Variants in PRKG1 observed in about 807,000 individuals in gnomAD.
PRKG1 encodes the protein protein kinase cGMP-dependent 1, also known as cGMP-dependent protein kinase 1.
PRKG1 carries 35 observed loss-of-function variants against 88.1 expected under a neutral mutation model. The observed-to-expected ratio is 0.40, with a 90% confidence interval of 0.30 to 0.53. PRKG1 has a LOEUF of 0.53. Ranked by LOEUF, PRKG1 falls within the 20% of genes least tolerant of loss-of-function variation. The pLI is 0.59. For synonymous variants in PRKG1, 303 were observed against 292.5 expected, an observed-to-expected ratio of 1.04 and a Z score of -0.37; for missense variants, 540 against 839.8, an observed-to-expected ratio of 0.64 and a Z score of 4.41.
chr10:52,136,420 C>A (rs553102058), intron 8 of PRKG1, among the ~76,000 whole-genome samples: 18 of 152,024 alleles, frequency 1.2e-4, no homozygotes, highest in African/African-American at 4.3e-4. Context: ...GTTAATCTTG[C>A]CTCTTTTAAA....
chr10:51,300,476 G>A (rs981175387), intron 2 of PRKG1, among the ~76,000 whole-genome samples: 3 of 152,082 alleles, frequency 2.0e-5, no homozygotes, highest in Admixed American at 6.5e-5. Flanking sequence ...CTCTTTGCTG[G>A]GATGCTGAGT....
chr10:51,845,816 A>G (rs1468925437), intron 4 of PRKG1, among the ~76,000 whole-genome samples: 1 of 152,130 alleles, frequency 6.6e-6, no homozygotes, highest in African/African-American at 2.4e-5. Context: ...TACCTTCAAT[A>G]TACATAATAC....
At chr10:51,931,218 A>G (rs1333545424) in intron 5 of PRKG1, among the ~76,000 whole-genome samples, 1 of 152,232 alleles carries the variant, frequency 6.6e-6, no homozygotes, top group African/African-American at 2.4e-5. Context: ...ACCTATTATT[A>G]GACCATCTTT....
chr10:51,091,811 A>G (rs954388569), intron 1 of PRKG1, among the ~76,000 whole-genome samples: 1 of 152,162 alleles, frequency 6.6e-6, no homozygotes. Flanking sequence ...AATCTTCATA[A>G]AAGTTCTGAA....
At chr10:52,084,130 A>G (rs981718959) in intron 7 of PRKG1, among the ~76,000 whole-genome samples, 1 of 152,014 alleles carries the variant, frequency 6.6e-6, no homozygotes, top group Non-Finnish European at 1.5e-5. Context: ...CCAACTTTAC[A>G]AGGAGTTCAT....
intron 3 of PRKG1, among the ~76,000 whole-genome samples, chr10:51,653,829 A>C (rs1284480958): frequency 1.3e-5 from 2 of 152,248 alleles, no homozygotes; most frequent in Middle Eastern, 3.4e-3. Flanking sequence ...TGGCATCCGA[A>C]AGTGCTAGGA....
At chr10:52,054,381 C>T in intron 5 of PRKG1, 103 bp from the exon 6 acceptor site, 6 of 775,422 alleles carry the variant, frequency 7.7e-6, no homozygotes, top group South Asian at 5.0e-5. Context: ...GATAAAATTC[C>T]ATTAGGATGA....
chr10:51,704,557 G>C (rs567773639), intron 3 of PRKG1, among the ~76,000 whole-genome samples: 1 of 152,210 alleles, frequency 6.6e-6, no homozygotes, highest in South Asian at 2.1e-4. Context: ...TGTAGAGATG[G>C]AAGAGAGTGA....
chr10:51,839,361 T>C (rs1840210849), intron 4 of PRKG1, among the ~76,000 whole-genome samples: 1 of 152,168 alleles, frequency 6.6e-6, no homozygotes, highest in African/African-American at 2.4e-5. Context: ...AATAAATATG[T>C]CTTCTACTTC....
chr10:51,747,119 G>A (rs921932252), intron 3 of PRKG1, among the ~76,000 whole-genome samples: 6 of 152,180 alleles, frequency 3.9e-5, no homozygotes, highest in Admixed American at 3.3e-4. Flanking sequence ...TTCCAAGAGT[G>A]GAGAGGAGAG....
intron 4 of PRKG1, among the ~76,000 whole-genome samples, chr10:51,900,068 C>A (rs1283291264): frequency 6.6e-6 from 1 of 152,132 alleles, no homozygotes; most frequent in Admixed American, 6.6e-5. Flanking sequence ...GCTTTTACAG[C>A]CTGCAGAATC....
Position 51,422,776 on chromosome 10 carries a change from A to T in PRKG1, c.479-44947A>T, listed in dbSNP as rs534394112. 5.3e-5 allele frequency among the ~76,000 whole-genome samples: 8 copies of T among 151,994 alleles called. No homozygotes were observed. The East Asian group carries it at 1.6e-3, about 30-fold the overall frequency. On this transcript the variant is annotated intron_variant, in intron 2 of 17. Transcript: ENST00000373980. ...ACCCAGCACTTCACGGGCCACACTC[A>T]TGCCTGCTGCTGCCATCTAGTGGAG...
chr10:51,689,627 A>C (rs1841086097), intron 3 of PRKG1, among the ~76,000 whole-genome samples: 1 of 152,190 alleles, frequency 6.6e-6, no homozygotes, highest in South Asian at 2.1e-4. Context: ...AGACAACAAG[A>C]TTATGAGAGA....
intron 5 of PRKG1, among the ~76,000 whole-genome samples, chr10:51,929,346 CTTTTTTTTTTTTT>C (rs67175480): frequency 3.6e-5 from 4 of 109,670 alleles, no homozygotes; most frequent in Non-Finnish European, 7.4e-5. Flanking sequence ...GAATTCCTTC[CTTTTTTTTTTTTT>C]TTTTTTTTTG....
Position 52,265,147 on chromosome 10 carries a change from G to A in PRKG1, c.1174-6203G>A, listed in dbSNP as rs1205592589. Reference sequence around the variant, plus strand: ...TTTGCCCTTTATTTTCTGAAAAGTGGTCTGAGGCCCAGTGAGATTATATGA... The same window carrying A: ...TTTGCCCTTTATTTTCTGAAAAGTGATCTGAGGCCCAGTGAGATTATATGA... On this transcript the variant is annotated intron_variant, in intron 10 of 17. Coordinates refer to ENST00000373980, the MANE Select transcript of PRKG1 (RefSeq NM_006258.4). 2.0e-5 allele frequency among the ~76,000 whole-genome samples: 3 copies of A among 152,180 alleles called. No homozygotes were observed. The East Asian group carries it at 5.8e-4, about 29-fold the overall frequency.
intron 4 of PRKG1, among the ~76,000 whole-genome samples, chr10:51,892,041 C>T (rs1333946092): frequency 6.6e-6 from 1 of 152,184 alleles, no homozygotes; most frequent in Non-Finnish European, 1.5e-5. Context: ...GCCATGCTAA[C>T]TTCTATTTCA....
intron 8 of PRKG1, among the ~76,000 whole-genome samples, chr10:52,142,415 A>C (rs889787510): frequency 2.0e-5 from 3 of 152,206 alleles, no homozygotes; most frequent in Non-Finnish European, 2.9e-5. Context: ...TGGAGTCATG[A>C]AAATGAATAA....
chr10:51,554,226 G>A (rs1259183458), intron 3 of PRKG1, among the ~76,000 whole-genome samples: 5 of 145,260 alleles, frequency 3.4e-5, no homozygotes, highest in African/African-American at 1.3e-4. Flanking sequence ...TATTATATAT[G>A]CATATATGAT....
At chr10:51,184,130 A>T (rs1837421332) in intron 2 of PRKG1, among the ~76,000 whole-genome samples, 1 of 152,178 alleles carries the variant, frequency 6.6e-6, no homozygotes, top group South Asian at 2.1e-4. Context: ...CTGATATCCA[A>T]CTCATATGAC....
Sources: gnomAD v4.1 joint callset for allele counts (sites outside exome capture counted in the v4.1 genomes callset) on GRCh38, gnomAD v4.1.1 for gene constraint, MANE v1.5 for transcripts, NCBI Gene and HGNC (gene_info 2026-07-23, HGNC 2026-07-21) for gene names.